The following FTCDNL1 variants were observed in gnomAD, a reference collection of about 807,000 sequenced individuals.
The protein encoded by FTCDNL1 is formiminotransferase cyclodeaminase N-terminal like, also known as formiminotransferase N-terminal subdomain-containing protein.
A neutral mutation model predicts 5.9 loss-of-function variants in FTCDNL1; 11 were observed. The ratio of observed to expected loss-of-function variants is 1.87; its 90% CI spans 1.18 to 3.10. The LOEUF (loss-of-function observed/expected upper bound fraction) is 3.10, where lower values mean the gene tolerates loss of function less well. FTCDNL1 is among the 30% of genes most tolerant of loss of function. FTCDNL1 has a pLI of 0.00. For synonymous variants in FTCDNL1, 58 were observed against 24.8 expected (o/e 2.34, Z -3.99); for missense variants, 115 against 65.5 (o/e 1.76, Z -2.61).
chr2:199,675,362 T>C, the FTCDNL1 span, among the ~76,000 whole-genome samples: 6 of 152,306 alleles, frequency 3.9e-5, no homozygotes, highest in South Asian at 1.2e-3. Context: ...AATTAAATCA[T>C]AGTATATAAG....
the FTCDNL1 span, among the ~76,000 whole-genome samples, chr2:199,737,215 C>T: frequency 2.0e-5 from 3 of 152,194 alleles, no homozygotes; most frequent in Non-Finnish European, 4.4e-5. Flanking sequence ...TCTCTGCCTC[C>T]AGTCTATAAT....
intron 3 of FTCDNL1, among the ~76,000 whole-genome samples, chr2:199,777,778 G>A (rs1369549799): frequency 6.6e-6 from 1 of 152,026 alleles, no homozygotes; most frequent in African/African-American, 2.4e-5. Context: ...CTGACAAGGG[G>A]GTGGAACGTT....
intron 3 of FTCDNL1, among the ~76,000 whole-genome samples, chr2:199,822,620 G>A (rs1701769434): frequency 6.6e-6 from 1 of 152,144 alleles, no homozygotes; most frequent in Admixed American, 6.5e-5. Flanking sequence ...TTTCTCTGTA[G>A]CATGTGATGC....
the FTCDNL1 span, among the ~76,000 whole-genome samples, chr2:199,712,868 C>G: frequency 1.3e-5 from 2 of 152,202 alleles, no homozygotes; most frequent in Non-Finnish European, 2.9e-5. Flanking sequence ...AAAGAGCTCA[C>G]CCTACTGCAG....
At chr2:199,704,911 T>G in the FTCDNL1 span, among the ~76,000 whole-genome samples, 8 of 152,170 alleles carry the variant, frequency 5.3e-5, no homozygotes, top group African/African-American at 1.9e-4. Context: ...AAACAAGGAT[T>G]GAAACAATTC....
At chr2:199,786,326 TTA>T (rs533824013) in intron 3 of FTCDNL1, among the ~76,000 whole-genome samples, 3 of 151,402 alleles carry the variant, frequency 2.0e-5, no homozygotes, top group East Asian at 1.9e-4. Flanking sequence ...TTAGCCCTGT[TTA>T]TATATATATA....
intron 3 of FTCDNL1, among the ~76,000 whole-genome samples, chr2:199,780,681 G>C (rs1163887292): frequency 6.6e-6 from 1 of 152,110 alleles, no homozygotes; most frequent in East Asian, 1.9e-4. Context: ...TCATTTTTGG[G>C]GTTCTGAGCC....
the FTCDNL1 span, among the ~76,000 whole-genome samples, chr2:199,713,062 G>A: frequency 6.6e-6 from 1 of 152,132 alleles, no homozygotes; most frequent in African/African-American, 2.4e-5. Flanking sequence ...ATGTAGTTTT[G>A]CAGTATAGTG....
the FTCDNL1 span, among the ~76,000 whole-genome samples, chr2:199,691,693 A>G: frequency 6.6e-6 from 1 of 152,204 alleles, no homozygotes; most frequent in Non-Finnish European, 1.5e-5. Flanking sequence ...TACTTTCATC[A>G]TAATAATGTG....
chr2:199,715,097 AAAT>A, the FTCDNL1 span, among the ~76,000 whole-genome samples: 12 of 152,060 alleles, frequency 7.9e-5, no homozygotes, highest in African/African-American at 2.9e-4. Flanking sequence ...GTATAATAAA[AAAT>A]AATAATAATT....
the FTCDNL1 span, among the ~76,000 whole-genome samples, chr2:199,690,735 G>A: frequency 1.3e-5 from 2 of 152,012 alleles, no homozygotes; most frequent in Non-Finnish European, 2.9e-5. Flanking sequence ...GATCTCTCCT[G>A]CATCAAACAC....
the FTCDNL1 span, among the ~76,000 whole-genome samples, chr2:199,712,527 A>G: frequency 6.6e-6 from 1 of 152,222 alleles, no homozygotes; most frequent in South Asian, 2.1e-4. Context: ...AACTTTAAAA[A>G]AGGTGTAATC....
At chr2:199,802,742 G>A (rs963766403) in intron 3 of FTCDNL1, among the ~76,000 whole-genome samples, 4 of 152,138 alleles carry the variant, frequency 2.6e-5, no homozygotes, top group South Asian at 4.1e-4. Flanking sequence ...GAAATCTGGC[G>A]ATGTGCAGTT....
At chr2:199,732,631 A>G in the FTCDNL1 span, among the ~76,000 whole-genome samples, 2 of 152,220 alleles carry the variant, frequency 1.3e-5, no homozygotes, top group Non-Finnish European at 2.9e-5. Context: ...GAATGAAAAA[A>G]AAAAGTTTCA....
the FTCDNL1 span, among the ~76,000 whole-genome samples, chr2:199,724,505 T>C: frequency 1.3e-5 from 2 of 152,088 alleles, no homozygotes; most frequent in Non-Finnish European, 2.9e-5. Context: ...TTCTAGTTTT[T>C]TGATGTGGTC....
the FTCDNL1 span, among the ~76,000 whole-genome samples, chr2:199,753,399 A>C: frequency 1.3e-5 from 2 of 152,222 alleles, no homozygotes. Context: ...GCTGTACAGG[A>C]GCCTGGCTGC....
At chr2:199,803,646 T>C (rs1226942899) in intron 3 of FTCDNL1, among the ~76,000 whole-genome samples, 1 of 152,150 alleles carries the variant, frequency 6.6e-6, no homozygotes, top group African/African-American at 2.4e-5. Flanking sequence ...TTATTTTTAG[T>C]AGAGACAAAG....
intron 3 of FTCDNL1, among the ~76,000 whole-genome samples, chr2:199,769,479 G>GCCC (rs34798712): frequency 6.6e-5 from 10 of 151,882 alleles, no homozygotes; most frequent in Admixed American, 1.3e-4. Context: ...TGATTTTGAG[G>GCCC]CCCCCCCAGC....
At chr2:199,711,700 A>G in the FTCDNL1 span, among the ~76,000 whole-genome samples, 2 of 152,190 alleles carry the variant, frequency 1.3e-5, no homozygotes, top group Non-Finnish European at 2.9e-5. Context: ...GGACTGTTGA[A>G]AAAAGGCTAT....
Sources: gnomAD v4.1 joint callset for allele counts (sites outside exome capture counted in the v4.1 genomes callset) on GRCh38, gnomAD v4.1.1 for gene constraint, MANE v1.5 for transcripts, NCBI Gene and HGNC (gene_info 2026-07-23, HGNC 2026-07-21) for gene names.